DLGAP2: variants seen among roughly 807,000 people sequenced by gnomAD.
DLGAP2 encodes the protein disks large-associated protein 2.
A neutral mutation model predicts 100.3 loss-of-function variants in DLGAP2; 26 were observed. The ratio of observed to expected loss-of-function variants is 0.26; its 90% CI spans 0.19 to 0.36. The LOEUF is 0.36. DLGAP2 is among the 10% of genes least tolerant of loss of function. The pLI is 1.00. For missense variants in DLGAP2, 1,858 were observed against 1,453.2 expected (o/e 1.28, Z -4.53); for synonymous variants, 886 against 630.1 (o/e 1.41, Z -6.08).
intron 3 of DLGAP2, among the ~76,000 whole-genome samples, chr8:1,364,439 A>T (rs1455083920): frequency 1.4e-5 from 2 of 140,040 alleles, no homozygotes; most frequent in Non-Finnish European, 3.1e-5. Flanking sequence ...ACCTTCAGGA[A>T]CCCCAGATTC....
At chr8:1,243,703 C>T (rs1798846254) in intron 2 of DLGAP2, among the ~76,000 whole-genome samples, 1 of 152,138 alleles carries the variant, frequency 6.6e-6, no homozygotes, top group South Asian at 2.1e-4. Context: ...ATGCCGCTGC[C>T]TCAGTCATGC....
chr8:1,453,654 A>G (rs76540875), intron 3 of DLGAP2, among the ~76,000 whole-genome samples: 11,712 of 152,204 alleles, frequency 0.077, 739 homozygotes, highest in East Asian at 0.31. Context: ...CAACACCACC[A>G]TCCACCCAGC....
intron 6 of DLGAP2, among the ~76,000 whole-genome samples, chr8:1,582,049 G>T (rs1803290204): frequency 7.0e-6 from 1 of 141,944 alleles, no homozygotes; most frequent in Non-Finnish European, 1.5e-5. Context: ...ACACACCACA[G>T]TCAAACTACC....
In DLGAP2 at chr8:1,227,364, C is replaced by A. The variant is rs79159631; in HGVS notation, c.74-31487C>A. Among the ~76,000 whole-genome samples, 801 of 150,770 alleles carry A rather than the reference C, an allele frequency of 5.3e-3. 6 individuals are homozygous for A. Among genetic ancestry groups the A allele is most frequent in the African/African-American group, 0.019 (779 of 40,886 alleles). ...TTTTTTTTTTCTGAAATAAGAATAG[C>A]AACTCTTCCACTTGTTTGTTTTCCA... On this transcript the variant is annotated intron_variant, in intron 2 of 14. Coordinates refer to ENST00000637795, the MANE Select transcript of DLGAP2 (RefSeq NM_001346810.2).
At chr8:1,334,393 A>T (rs1306630994) in intron 3 of DLGAP2, among the ~76,000 whole-genome samples, 1 of 152,154 alleles carries the variant, frequency 6.6e-6, no homozygotes, top group Non-Finnish European at 1.5e-5. Context: ...AACCAACCAC[A>T]TCAAATGGTG....
intron 2 of DLGAP2, among the ~76,000 whole-genome samples, chr8:911,103 C>T (rs758634985): frequency 5.3e-5 from 8 of 152,106 alleles, no homozygotes; most frequent in East Asian, 3.9e-4. Context: ...AAAGTGAACC[C>T]GTCTAAAGTT....
intron 2 of DLGAP2, among the ~76,000 whole-genome samples, chr8:1,182,228 A>G (rs1464772074): frequency 1.3e-5 from 2 of 152,228 alleles, no homozygotes; most frequent in Non-Finnish European, 2.9e-5. Context: ...TGCGTTCCCA[A>G]CAGGGGCTTG....
chr8:1,330,007 C>T (rs1468139535), intron 3 of DLGAP2, among the ~76,000 whole-genome samples: 1 of 152,224 alleles, frequency 6.6e-6, no homozygotes, highest in Non-Finnish European at 1.5e-5. Context: ...GAGCTGCGGA[C>T]CCCAGGGACA....
chr8:907,858 C>T (rs986641492), intron 1 of DLGAP2, 54 bp from the exon 2 acceptor site: 41 of 398,506 alleles, frequency 1.0e-4, no homozygotes, highest in African/African-American at 8.4e-4. Flanking sequence ...TAATGAGATG[C>T]CTTCCTCCAC....
chr8:979,212 C>G (rs898949751), intron 2 of DLGAP2, among the ~76,000 whole-genome samples: 4 of 152,200 alleles, frequency 2.6e-5, no homozygotes, highest in African/African-American at 4.8e-5. Flanking sequence ...CACCTAACAT[C>G]TCTTCTGATG....
At chr8:1,518,505 A>G (rs1168489164) in intron 4 of DLGAP2, among the ~76,000 whole-genome samples, 1 of 152,202 alleles carries the variant, frequency 6.6e-6, no homozygotes, top group Non-Finnish European at 1.5e-5. Flanking sequence ...TTTGAGTTTC[A>G]TAAGAGCATG....
intron 2 of DLGAP2, among the ~76,000 whole-genome samples, chr8:1,256,559 TTCCTGCCCGGGTGCTGTGCGTGTGTACTC>T (rs1325240527): frequency 2.1e-5 from 2 of 96,122 alleles, no homozygotes; most frequent in African/African-American, 9.9e-5. Flanking sequence ...TGTGTGTCCT[TTCCTGCCCGGGTGCTGTGCGTGTGTACTC>T]TCCTGCCCGG....
Position 1,701,396 on chromosome 8 carries a change from C to A in DLGAP2, c.3158C>A (p.Thr1053Asn). 6.3e-7 allele frequency: 1 copy of A among 1,591,014 alleles called. No homozygotes were observed. The highest frequency in any genetic ancestry group is 8.5e-7 in the Non-Finnish European group (1 of 1,169,624). Reference sequence around the variant, plus strand: ...GAGATCTACATCCCCGAGGCCCAGACCCGGCTCTGAGGGCGGAGGCCGGCG... The same window carrying A: ...GAGATCTACATCCCCGAGGCCCAGAACCGGCTCTGAGGGCGGAGGCCGGCG... ...SIEIYIPEAQ[T>N]RL is the part of the protein sequence containing the mutation. Residue 1053 changes from threonine (T) to asparagine (N), a missense_variant, in exon 15 of 15, where the codon ACC becomes AAC. Physicochemically the swap from Thr to Asn is moderately conservative, Grantham distance 65. Transcript: ENST00000637795.
chr8:1,108,585 T>A lies in DLGAP2; in HGVS notation c.74-150266T>A, dbSNP rs1174013741. On this transcript the variant is annotated intron_variant, in intron 2 of 14. Coordinates refer to ENST00000637795, the MANE Select transcript of DLGAP2 (RefSeq NM_001346810.2). ...GCTGGGTCTGTGAGGTGTGCACGGG[T>A]CTGTGAGATGTGCATGGGTCTGTGA... Among the ~76,000 whole-genome samples, 4 of 137,940 alleles carry A rather than the reference T, an allele frequency of 2.9e-5. No homozygotes were observed. The East Asian group carries it at 8.8e-4, about 30-fold the overall frequency. The allele number at this position is 137,940 out of a possible 152,430, so 90.5% of individuals were successfully genotyped here.
At chr8:1,300,184 G>T (rs1160669298) in intron 3 of DLGAP2, 2 of 152,200 alleles carry the variant, frequency 1.3e-5, no homozygotes. Context: ...AATGTTCAAA[G>T]CCAATAGCAC....
intron 3 of DLGAP2, among the ~76,000 whole-genome samples, chr8:1,417,116 C>T (rs1408671774): frequency 6.6e-6 from 1 of 151,988 alleles, no homozygotes; most frequent in Non-Finnish European, 1.5e-5. Context: ...GGGGAGACCC[C>T]CGTTCATTCA....
intron 2 of DLGAP2, among the ~76,000 whole-genome samples, chr8:1,241,963 A>G (rs1798806250): frequency 1.3e-5 from 2 of 152,220 alleles, no homozygotes; most frequent in Non-Finnish European, 2.9e-5. Flanking sequence ...CCTCTACTGA[A>G]ACATTCCTTT....
chr8:1,276,648 C>G (rs759474926), intron 3 of DLGAP2, among the ~76,000 whole-genome samples: 1 of 150,384 alleles, frequency 6.6e-6, no homozygotes, highest in African/African-American at 2.4e-5. Context: ...CTTCCCAGCA[C>G]ACGTCCCCAG....
intron 2 of DLGAP2, among the ~76,000 whole-genome samples, chr8:911,386 T>A (rs1476963079): frequency 6.6e-6 from 1 of 152,034 alleles, no homozygotes; most frequent in East Asian, 1.9e-4. Context: ...GTTGGAAAGA[T>A]GCATGCATAA....
Sources: gnomAD v4.1 joint callset for allele counts (sites outside exome capture counted in the v4.1 genomes callset) on GRCh38, gnomAD v4.1.1 for gene constraint, MANE v1.5 for transcripts, NCBI Gene and HGNC (gene_info 2026-07-23, HGNC 2026-07-21) for gene names.